The following NAALADL2 variants were observed in gnomAD, a reference collection of about 807,000 sequenced individuals.
NAALADL2 encodes inactive N-acetylated-alpha-linked acidic dipeptidase-like protein 2.
Under a neutral mutation model 87.2 loss-of-function variants are expected in NAALADL2, and 76 were observed. The ratio of observed to expected loss-of-function variants is 0.87; its 90% CI spans 0.72 to 1.05. NAALADL2 has a LOEUF of 1.05. Among genes scored for constraint, NAALADL2 ranks in the 50% least tolerant of loss-of-function variants. The pLI is 0.00. For synonymous variants in NAALADL2, 354 were observed against 331.0 expected, an observed-to-expected ratio of 1.07 and a Z score of -0.75; for missense variants, 1,089 against 945.8, an observed-to-expected ratio of 1.15 and a Z score of -1.99.
chr3:174,788,341 G>C (rs1335808621), intron 3 of NAALADL2, among the ~76,000 whole-genome samples: 1 of 152,158 alleles, frequency 6.6e-6, no homozygotes, highest in African/African-American at 2.4e-5. Context: ...ACAAAAGGAC[G>C]CATATTAGTT....
At chr3:174,805,732 A>C (rs1293610981) in intron 3 of NAALADL2, among the ~76,000 whole-genome samples, 1 of 152,174 alleles carries the variant, frequency 6.6e-6, no homozygotes, top group Non-Finnish European at 1.5e-5. Context: ...GAACCCAATG[A>C]ATTATTTCAT....
intron 1 of NAALADL2, among the ~76,000 whole-genome samples, chr3:174,877,323 G>A (rs547771395): frequency 1.2e-4 from 18 of 152,082 alleles, no homozygotes; most frequent in Non-Finnish European, 2.5e-4. Flanking sequence ...AACTTATGAA[G>A]CTGGCCAGTG....
Position 174,969,948 on chromosome 3 carries a change from A to G in NAALADL2, c.43+110498A>G, listed in dbSNP as rs541687679. 1.1e-3 allele frequency among the ~76,000 whole-genome samples: 165 copies of G among 152,358 alleles called. 2 individuals carry two copies. Among genetic ancestry groups the G allele is most frequent in the African/African-American group, 3.8e-3 (160 of 41,590 alleles). On this transcript the variant is annotated intron_variant, in intron 1 of 13. Transcript: ENST00000454872. Reference sequence around the variant, plus strand: ...GAAATCAAGGTAAGAAAAATATGTCATGTGTCTTGGATCAAAACAGCAAGT... The same window carrying G: ...GAAATCAAGGTAAGAAAAATATGTCGTGTGTCTTGGATCAAAACAGCAAGT...
In NAALADL2 at chr3:175,781,765, G is replaced by C. The variant is rs572097703; in HGVS notation, c.2190-21240G>C. On this transcript the variant is annotated intron_variant, in intron 13 of 13. Transcript: ENST00000454872. Reference sequence around the variant, plus strand: ...TAGGGTACATGTGCACATTGTGCAGGTTAGTTACATATGTATACATGTGCC... The same window carrying C: ...TAGGGTACATGTGCACATTGTGCAGCTTAGTTACATATGTATACATGTGCC... Among the ~76,000 whole-genome samples, 483 of 151,492 alleles carry C rather than the reference G, an allele frequency of 3.2e-3. 2 individuals carry two copies. The highest frequency in any genetic ancestry group is 5.3e-3 in the Non-Finnish European group (362 of 67,872).
chr3:175,504,011 A>G (rs1729920798), intron 9 of NAALADL2, among the ~76,000 whole-genome samples: 1 of 152,184 alleles, frequency 6.6e-6, no homozygotes, highest in Non-Finnish European at 1.5e-5. Flanking sequence ...GCCAGGTCCT[A>G]TGTTCAGAAT....
chr3:175,233,632 C>T (rs549726722), intron 2 of NAALADL2, among the ~76,000 whole-genome samples: 1 of 152,156 alleles, frequency 6.6e-6, no homozygotes, highest in Non-Finnish European at 1.5e-5. Context: ...GTTTTGTAGA[C>T]AGAGGTTGTC....
At chr3:175,427,206 C>T (rs368149352) in intron 5 of NAALADL2, among the ~76,000 whole-genome samples, 6 of 152,118 alleles carry the variant, frequency 3.9e-5, no homozygotes, top group African/African-American at 1.4e-4. Flanking sequence ...CCTTGAAAAC[C>T]CTCTGAAAGC....
chr3:175,444,672 T>C (rs1320456718), intron 5 of NAALADL2, among the ~76,000 whole-genome samples: 1 of 152,202 alleles, frequency 6.6e-6, no homozygotes, highest in Admixed American at 6.5e-5. Context: ...GTCATTTCAC[T>C]GTGGGTCCTG....
At chr3:174,450,329 G>A (rs577605099) in intron 1 of NAALADL2, among the ~76,000 whole-genome samples, 1 of 152,108 alleles carries the variant, frequency 6.6e-6, no homozygotes, top group African/African-American at 2.4e-5. Context: ...TAAAATTAGG[G>A]GTTTATATAG....
intron 10 of NAALADL2, 28 bp from the exon 11 acceptor site, chr3:175,627,263 T>C: frequency 6.6e-7 from 1 of 1,503,768 alleles, no homozygotes; most frequent in East Asian, 2.4e-5. Flanking sequence ...TAAAGAGTTT[T>C]AAATGTTTCT....
intron 2 of NAALADL2, among the ~76,000 whole-genome samples, chr3:174,555,024 T>C (rs1030757813): frequency 6.6e-6 from 1 of 152,208 alleles, no homozygotes; most frequent in East Asian, 1.9e-4. Context: ...ATCCCATTCA[T>C]TAGGGCTCTG....
intron 2 of NAALADL2, among the ~76,000 whole-genome samples, chr3:175,108,187 T>C (rs1264082613): frequency 6.6e-6 from 1 of 151,864 alleles, no homozygotes; most frequent in East Asian, 1.9e-4. Flanking sequence ...CACAATGTCA[T>C]AATATGTAAC....
chr3:174,698,946 A>AAT (rs1224798147), intron 2 of NAALADL2, among the ~76,000 whole-genome samples: 9 of 142,694 alleles, frequency 6.3e-5, no homozygotes, highest in African/African-American at 2.5e-4. Context: ...TATATATATG[A>AAT]ATGTGTGTGT....
chr3:174,750,543 C>G (rs1282901283), intron 3 of NAALADL2, among the ~76,000 whole-genome samples: 1 of 152,090 alleles, frequency 6.6e-6, no homozygotes, highest in African/African-American at 2.4e-5. Flanking sequence ...AAGTGATTCT[C>G]CTGCTTCAAC....
intron 1 of NAALADL2, among the ~76,000 whole-genome samples, chr3:174,511,211 A>T (rs1719579722): frequency 6.6e-6 from 1 of 151,982 alleles, no homozygotes; most frequent in Non-Finnish European, 1.5e-5. Context: ...AGTCTTCTGT[A>T]TATGTACTGA....
At chr3:175,169,766 T>G (rs1406080392) in intron 2 of NAALADL2, among the ~76,000 whole-genome samples, 6 of 151,854 alleles carry the variant, frequency 4.0e-5, no homozygotes, top group African/African-American at 7.2e-5. Context: ...GATAGCTATT[T>G]TGTTGGATGA....
At chr3:175,689,350 T>A (rs1373451596) in intron 11 of NAALADL2, among the ~76,000 whole-genome samples, 1 of 152,088 alleles carries the variant, frequency 6.6e-6, no homozygotes, top group East Asian at 1.9e-4. Flanking sequence ...AGAGAGAGAT[T>A]TTTAAAATAT....
chr3:175,467,751 A>G (rs1022039081), intron 8 of NAALADL2, among the ~76,000 whole-genome samples: 3 of 152,114 alleles, frequency 2.0e-5, no homozygotes, highest in African/African-American at 7.2e-5. Flanking sequence ...TAACCACCTT[A>G]GGGAACCTGT....
At chr3:175,199,438 G>A (rs967737130) in intron 2 of NAALADL2, among the ~76,000 whole-genome samples, 25 of 152,132 alleles carry the variant, frequency 1.6e-4, no homozygotes, top group African/African-American at 5.8e-4. Flanking sequence ...TACTGTGCTA[G>A]GTTATAATGC....
Sources: allele counts gnomAD v4.1 joint callset (sites outside exome capture counted in the v4.1 genomes callset), GRCh38; gene constraint gnomAD v4.1.1; transcripts MANE v1.5; gene names NCBI Gene and HGNC (gene_info 2026-07-23, HGNC 2026-07-21).